The following SMAP1 variants were observed in gnomAD, a reference collection of about 807,000 sequenced individuals.
SMAP1 encodes the protein small ArfGAP 1.
Under a neutral mutation model 58.5 loss-of-function variants are expected in SMAP1, and 24 were observed. That is an observed-to-expected ratio of 0.41 (90% confidence interval 0.30 to 0.58). The LOEUF (loss-of-function observed/expected upper bound fraction) is 0.58. Among genes scored for constraint, SMAP1 ranks in the 20% least tolerant of loss-of-function variants. The pLI is 0.29. For missense variants in SMAP1, 563 were observed against 566.3 expected (o/e 0.99, Z 0.06); for synonymous variants, 216 against 196.6 (o/e 1.10, Z -0.82).
chr6:70,723,985 A>G (rs1768646982), intron 1 of SMAP1, among the ~76,000 whole-genome samples: 1 of 152,134 alleles, frequency 6.6e-6, no homozygotes, highest in South Asian at 2.1e-4. Context: ...TTGAAAAAAA[A>G]AGATTGCAAT....
intron 1 of SMAP1, among the ~76,000 whole-genome samples, chr6:70,701,384 C>T (rs775490886): frequency 4.6e-5 from 7 of 152,188 alleles, no homozygotes; most frequent in South Asian, 2.1e-4. Context: ...TACTAGGTCA[C>T]GTGCACCCAA....
intron 6 of SMAP1, among the ~76,000 whole-genome samples, chr6:70,820,628 C>G (rs570652330): frequency 3.1e-4 from 47 of 151,870 alleles, no homozygotes; most frequent in Non-Finnish European, 5.6e-4. Flanking sequence ...ATTGCTGGAA[C>G]CCAGGAGGCT....
chr6:70,853,152 C>G (rs1771252777), intron 8 of SMAP1, among the ~76,000 whole-genome samples: 1 of 151,124 alleles, frequency 6.6e-6, no homozygotes, highest in Admixed American at 6.6e-5. Context: ...AAAATAAAGG[C>G]AAAATGAAGG....
chr6:70,826,304 T>C (rs1393372028), intron 6 of SMAP1, among the ~76,000 whole-genome samples: 1 of 152,208 alleles, frequency 6.6e-6, no homozygotes, highest in Admixed American at 6.5e-5. Flanking sequence ...AGAGATGGGC[T>C]CACGTCTTGA....
chr6:70,774,004 C>A (rs1767441666), intron 4 of SMAP1, among the ~76,000 whole-genome samples: 1 of 152,128 alleles, frequency 6.6e-6, no homozygotes, highest in Non-Finnish European at 1.5e-5. Flanking sequence ...TTTTACTGTA[C>A]TCTATGTTTA....
At position 70,812,120 on chromosome 6, in the gene SMAP1, T is replaced by A. The variant is rs886591438; in HGVS notation, c.576+13383T>A. Among the ~76,000 whole-genome samples the A allele has an allele frequency of 4.6e-5, 7 of 152,310 alleles. No individual in the cohort carries two copies. The South Asian group carries it at 1.5e-3, about 32-fold the overall frequency. ...AGTTTGTGACTGTGATTGTAGGTAA[T>A]TGAAGACACTGAAAGCAAAACGTTA... On this transcript the variant is annotated intron_variant, in intron 6 of 10. Coordinates refer to ENST00000370455, the MANE Select transcript of SMAP1 (RefSeq NM_001044305.3).
intron 6 of SMAP1, among the ~76,000 whole-genome samples, chr6:70,828,549 A>G (rs564352876): frequency 1.3e-5 from 2 of 152,316 alleles, no homozygotes; most frequent in South Asian, 2.1e-4. Flanking sequence ...ACTGCAGTTC[A>G]TATGCACAAC....
intron 6 of SMAP1, among the ~76,000 whole-genome samples, chr6:70,806,903 G>A (rs944427032): frequency 6.6e-6 from 1 of 152,162 alleles, no homozygotes; most frequent in African/African-American, 2.4e-5. Context: ...ACTAGTTGCT[G>A]GCAGCTCAGG....
In SMAP1 at chr6:70,699,285, G is replaced by A. The variant is rs543581632; in HGVS notation, c.118+31144G>A. ...TCTCTCTCTGTGCAGAGCTTCCTGCGGCTGAGGGAGGGATGAAACAAGTAC... is the reference window on the plus strand; with the variant it reads ...TCTCTCTCTGTGCAGAGCTTCCTGCAGCTGAGGGAGGGATGAAACAAGTAC... On this transcript the variant is annotated intron_variant, in intron 1 of 10. Transcript: ENST00000370455. Among the ~76,000 whole-genome samples the A allele has an allele frequency of 3.0e-4, 45 of 152,196 alleles. No individual in the cohort carries two copies. The South Asian group carries it at 5.2e-3, about 18-fold the overall frequency.
At position 70,858,169 on chromosome 6, in the gene SMAP1, T is replaced by G. The variant is rs780212927; in HGVS notation, c.1209T>G (p.Gly403=). Residue 403 remains glycine, a synonymous_variant, in exon 10 of 11, where the codon GGT becomes GGG. Coordinates refer to ENST00000370455, the MANE Select transcript of SMAP1 (RefSeq NM_001044305.3). Reference sequence around the variant, plus strand: ...AAGGAGGAATGGTGGGACAAATGGGTGCACCCCAGAGTAAGTTTGGCCTGC... The same window carrying G: ...AAGGAGGAATGGTGGGACAAATGGGGGCACCCCAGAGTAAGTTTGGCCTGC... ...GPQGGMVGQM[G]APQSKFGLPQ... 2 of 1,613,424 alleles carry G rather than the reference T, an allele frequency of 1.2e-6. No individual in the cohort carries two copies. Among genetic ancestry groups the G allele is most frequent in the Non-Finnish European group, 1.7e-6 (2 of 1,179,866 alleles).
chr6:70,759,147 G>C (rs1766642251), intron 3 of SMAP1, among the ~76,000 whole-genome samples: 1 of 152,088 alleles, frequency 6.6e-6, no homozygotes, highest in Non-Finnish European at 1.5e-5. Context: ...CTCTGGAAAA[G>C]GAAAGCCTGT....
chr6:70,675,112 G>A (rs1766421455), intron 1 of SMAP1, among the ~76,000 whole-genome samples: 1 of 149,624 alleles, frequency 6.7e-6, no homozygotes, highest in East Asian at 2.0e-4. Flanking sequence ...TTTAGAGATA[G>A]GGTAGCTCCA....
intron 1 of SMAP1, among the ~76,000 whole-genome samples, chr6:70,708,751 T>G (rs1351024252): frequency 6.6e-6 from 1 of 152,216 alleles, no homozygotes; most frequent in Non-Finnish European, 1.5e-5. Flanking sequence ...GTATTGGCTA[T>G]TTTTATGCCT....
Position 70,775,200 on chromosome 6 carries a change from G to T in SMAP1, c.414+1775G>T, listed in dbSNP as rs183261231. ...AAGGCCGCTGTAAGCATTGATGGGGGAAAGGACTAACTTAAAAGTGTAATG... is the reference window on the plus strand; with the variant it reads ...AAGGCCGCTGTAAGCATTGATGGGGTAAAGGACTAACTTAAAAGTGTAATG... On this transcript the variant is annotated intron_variant, in intron 4 of 10. Transcript: ENST00000370455. Among the ~76,000 whole-genome samples the T allele has an allele frequency of 2.0e-5, 3 of 152,080 alleles. No homozygotes were observed. In the East Asian group the frequency reaches 5.8e-4, roughly 29 times the overall value.
intron 6 of SMAP1, among the ~76,000 whole-genome samples, chr6:70,815,599 A>T (rs1369857410): frequency 6.6e-6 from 1 of 152,132 alleles, no homozygotes; most frequent in Non-Finnish European, 1.5e-5. Flanking sequence ...TCCATGTGGC[A>T]TCTAAAAACT....
chr6:70,670,581 T>C (rs909792867), intron 1 of SMAP1, among the ~76,000 whole-genome samples: 28 of 152,322 alleles, frequency 1.8e-4, no homozygotes, highest in African/African-American at 5.3e-4. Flanking sequence ...TTAAAAGATA[T>C]GTTAAAGGTC....
chr6:70,722,822 G>T (rs1045525838), intron 1 of SMAP1, among the ~76,000 whole-genome samples: 14 of 152,208 alleles, frequency 9.2e-5, no homozygotes, highest in African/African-American at 3.1e-4. Context: ...GGTTTTCCAC[G>T]CTGGGTGGGC....
At chr6:70,822,060 A>G (rs934818934) in intron 6 of SMAP1, among the ~76,000 whole-genome samples, 2 of 152,218 alleles carry the variant, frequency 1.3e-5, no homozygotes, top group African/African-American at 4.8e-5. Context: ...CTAAGCATGC[A>G]TGCTTTACAG....
chr6:70,675,605 C>T (rs889071099), intron 1 of SMAP1, among the ~76,000 whole-genome samples: 2 of 149,520 alleles, frequency 1.3e-5, no homozygotes, highest in Non-Finnish European at 3.0e-5. Flanking sequence ...GAGCCAAGAT[C>T]GTGCCATTGC....
Sources: allele counts gnomAD v4.1 joint callset (sites outside exome capture counted in the v4.1 genomes callset), GRCh38; gene constraint gnomAD v4.1.1; transcripts MANE v1.5; gene names NCBI Gene and HGNC (gene_info 2026-07-23, HGNC 2026-07-21).